The following PCDHA3 variants were observed in gnomAD, a reference collection of about 807,000 sequenced individuals.
PCDHA3 encodes the protein protocadherin alpha-3.
In PCDHA3, 41 loss-of-function variants were observed where a neutral mutation model predicts 62.2. The ratio of observed to expected loss-of-function variants is 0.66; its 90% CI spans 0.51 to 0.86. The LOEUF (loss-of-function observed/expected upper bound fraction) is 0.86. Ranked by LOEUF, PCDHA3 falls within the 40% of genes least tolerant of loss-of-function variation. PCDHA3 has a pLI of 0.00. For missense variants in PCDHA3, 1,304 were observed against 1,241.2 expected, an observed-to-expected ratio of 1.05 and a Z score of -0.76; for synonymous variants, 640 against 555.4, an observed-to-expected ratio of 1.15 and a Z score of -2.14.
intron 1 of PCDHA3, chr5:140,862,713 C>CG (rs2153223672): frequency 1.8e-6 from 1 of 561,970 alleles, no homozygotes; most frequent in East Asian, 4.9e-5. Flanking sequence ...AGCGGGTGGG[C>CG]GAGTGCGCGC....
chr5:140,994,658 T>C (rs2097643677), intron 3 of PCDHA3, among the ~76,000 whole-genome samples: 1 of 152,024 alleles, frequency 6.6e-6, no homozygotes, highest in African/African-American at 2.4e-5. Flanking sequence ...TGAGCTGAGA[T>C]CACACTACTG....
Position 140,808,692 on chromosome 5 carries a change from G to T in PCDHA3, c.2394+5101G>T, listed in dbSNP as rs555898168. 1.9e-6 allele frequency: 3 copies of T among 1,612,102 alleles called. No homozygotes were observed. The African/African-American group carries it at 4.0e-5, about 22-fold the overall frequency. ...CTGGTAGAGCGGCGGGTAGGGGAGC[G>T]CGCGCTGTCGAGCTACGTTTCGGTG... On this transcript the variant is annotated intron_variant, in intron 1 of 3. Transcript: ENST00000522353.
rs2150160493 is a variant in PCDHA3 at position 140,828,905 on chromosome 5, G to A, written c.2394+25314G>A. ...ACTGAATGCTTCTGATCGGGATGAA[G>A]GAGCGAATGGGGCAATTTCATATTC... On this transcript the variant is annotated intron_variant, in intron 1 of 3. Coordinates refer to ENST00000522353, the MANE Select transcript of PCDHA3 (RefSeq NM_018906.3). 3 of 1,614,136 alleles carry A rather than the reference G, an allele frequency of 1.9e-6. No individual in the cohort carries two copies. In the Admixed American group the frequency reaches 5.0e-5, roughly 27 times the overall value.
intron 1 of PCDHA3, chr5:140,853,431 T>A (rs115944296): frequency 0.015 from 15,010 of 985,262 alleles, 1,430 homozygotes; most frequent in Non-Finnish European, 0.017. Context: ...AGAGACACTT[T>A]CCTATTTTGC....
At chr5:140,856,023 G>A in intron 1 of PCDHA3, 2 of 1,556,224 alleles carry the variant, frequency 1.3e-6, no homozygotes, top group Non-Finnish European at 8.7e-7. Context: ...CTGATTCGTC[G>A]ATTTGTAAAA....
intron 1 of PCDHA3, chr5:140,858,387 T>C (rs1260966424): frequency 1.9e-6 from 3 of 1,582,118 alleles, no homozygotes; most frequent in Admixed American, 1.8e-5. Flanking sequence ...TGCCCAATGG[T>C]AGATGTGGAC....
At chr5:140,912,200 T>C (rs191284675) in intron 1 of PCDHA3, among the ~76,000 whole-genome samples, 123 of 152,280 alleles carry the variant, frequency 8.1e-4, no homozygotes, top group African/African-American at 2.8e-3. Flanking sequence ...CCCACCCAGA[T>C]TGAGGGTAGA....
At chr5:141,006,995 A>C (rs1277177404) in intron 3 of PCDHA3, among the ~76,000 whole-genome samples, 1 of 152,208 alleles carries the variant, frequency 6.6e-6, no homozygotes, top group Non-Finnish European at 1.5e-5. Flanking sequence ...TTAAAATATA[A>C]GTCTGCATCT....
At position 140,801,474 on chromosome 5, in the gene PCDHA3, G is replaced by C; in HGVS notation, c.277G>C (p.Glu93Gln). 1 of 1,614,096 alleles carries C rather than the reference G, an allele frequency of 6.2e-7. No homozygotes were observed. The highest frequency in any genetic ancestry group is 2.2e-5 in the East Asian group (1 of 44,892). ...GTTTGTGAATTCTCGGATAGACCGC[G>C]AGGAACTGTGCGGGCGGAGCGCGGA... ...ILFVNSRIDR[E>Q]ELCGRSAECS... Residue 93 changes from glutamate to glutamine, a missense_variant, in exon 1 of 4, where the codon GAG (glutamate) becomes CAG (glutamine). By Grantham distance (29) the Glu-to-Gln change is conservative. Coordinates refer to ENST00000522353, the MANE Select transcript of PCDHA3 (RefSeq NM_018906.3).
intron 1 of PCDHA3, chr5:140,863,724 G>C (rs1450071694): frequency 3.7e-6 from 1 of 271,826 alleles, no homozygotes; most frequent in African/African-American, 2.2e-5. Context: ...GCCGGGTGCG[G>C]TAGCTCATGC....
chr5:140,870,353 T>C lies in PCDHA3; in HGVS notation c.2394+66762T>C, dbSNP rs782038424. On this transcript the variant is annotated intron_variant, in intron 1 of 3. Transcript: ENST00000522353. ...GACAGCGCCCTGGACCGCGAGAACG[T>C]GTGGGCCTATGAACTGGTGGTGACT... is the stretch of plus-strand genomic sequence containing the variant. The C allele has an allele frequency of 3.7e-6, 6 of 1,614,002 alleles. No homozygotes were observed. The Admixed American group carries it at 8.3e-5, about 22-fold the overall frequency.
intron 1 of PCDHA3, chr5:140,848,897 A>T (rs1554142535): frequency 6.2e-7 from 1 of 1,605,658 alleles, no homozygotes. Context: ...CAGTGTTCCC[A>T]GCGACACAAA....
chr5:140,828,281 T>G lies in PCDHA3; in HGVS notation c.2394+24690T>G, dbSNP rs143573134. 144 of 1,613,970 alleles carry G rather than the reference T, an allele frequency of 8.9e-5. No homozygotes were observed. Among genetic ancestry groups the G allele is most frequent in the Non-Finnish European group, 1.2e-4 (139 of 1,180,050 alleles). On this transcript the variant is annotated intron_variant, in intron 1 of 3. Transcript: ENST00000522353. ...GCTGGCGGAGCTGGTGCCGCGCCTG[T>G]TCAGGATGGCCTCCAAAGACCGCGA... is the stretch of plus-strand genomic sequence containing the variant.
chr5:140,811,332 A>G (rs1401221708), intron 1 of PCDHA3: 2 of 152,262 alleles, frequency 1.3e-5, no homozygotes, highest in East Asian at 3.8e-4. Flanking sequence ...TACAAAGGAC[A>G]TGAACTCACC....
chr5:140,890,760 A>C (rs939413448), intron 1 of PCDHA3, among the ~76,000 whole-genome samples: 2 of 152,188 alleles, frequency 1.3e-5, no homozygotes, highest in Non-Finnish European at 2.9e-5. Flanking sequence ...ATGCTTTAAA[A>C]ATATTTTAAA....
intron 1 of PCDHA3, chr5:140,822,544 G>A (rs2150117161): frequency 5.6e-6 from 9 of 1,613,792 alleles, no homozygotes; most frequent in Non-Finnish European, 7.6e-6. Context: ...TGCACCAAGT[G>A]GGACATTAGT....
At chr5:140,969,175 T>C in intron 1 of PCDHA3, 7 of 1,613,046 alleles carry the variant, frequency 4.3e-6, no homozygotes, top group Non-Finnish European at 5.9e-6. Context: ...GCTCAGGGAG[T>C]GACACTTTCA....
In PCDHA3 at chr5:140,802,478, T is replaced by G; in HGVS notation, c.1281T>G (p.Ala427=). 3.7e-6 allele frequency: 6 copies of G among 1,614,166 alleles called. No individual in the cohort carries two copies. The highest frequency in any genetic ancestry group is 5.1e-6 in the Non-Finnish European group (6 of 1,180,036). ...SVSAYELVVT[A]RDGGSPSLWA... ...CGGCCTATGAGCTGGTGGTGACTGC[T>G]CGGGACGGGGGCTCGCCTTCACTGT... The change falls in exon 1 of 4, where the codon GCT becomes GCG. Residue 427 remains alanine, a synonymous_variant. Transcript: ENST00000522353.
intron 1 of PCDHA3, chr5:140,876,084 A>G: frequency 6.2e-7 from 1 of 1,613,962 alleles, no homozygotes; most frequent in Non-Finnish European, 8.5e-7. Context: ...ACAGAGAGCA[A>G]ACGCCAAAAC....
Sources: gnomAD v4.1 joint callset for allele counts (sites outside exome capture counted in the v4.1 genomes callset) on GRCh38, gnomAD v4.1.1 for gene constraint, MANE v1.5 for transcripts, NCBI Gene and HGNC (gene_info 2026-07-23, HGNC 2026-07-21) for gene names.